Variants in GRM1 observed in about 807,000 individuals in gnomAD.
The protein encoded by GRM1 is metabotropic glutamate receptor 1.
Under a neutral mutation model 90.9 loss-of-function variants are expected in GRM1, and 33 were observed. The ratio of observed to expected loss-of-function variants is 0.36; its 90% CI spans 0.28 to 0.49. The LOEUF is 0.49. GRM1 is among the 20% of genes least tolerant of loss of function. The pLI is 0.99. For synonymous variants in GRM1, 700 were observed against 613.2 expected, an observed-to-expected ratio of 1.14 and a Z score of -2.09; for missense variants, 1,190 against 1,534.3, an observed-to-expected ratio of 0.78 and a Z score of 3.75.
chr6:146,398,734 T>C lies in GRM1; in HGVS notation c.1730-35T>C, dbSNP rs362935. 5,847 of 1,424,834 alleles carry C rather than the reference T, an allele frequency of 4.1e-3. 180 individuals carry two copies. The East Asian group carries it at 0.08, about 19-fold the overall frequency. The allele number at this position is 1,424,834 out of a possible 1,614,324, so 88.3% of individuals were successfully genotyped here. ...CAAGTTGTTATTCCTAGCAGAAACCTTGGATTCATGCTCAAATGATTTTTC... is the reference window on the plus strand; with the variant it reads ...CAAGTTGTTATTCCTAGCAGAAACCCTGGATTCATGCTCAAATGATTTTTC... On this transcript the variant is annotated intron_variant, in intron 6 of 7. Transcript: ENST00000282753.
chr6:146,152,860 C>G (rs1777390851), intron 1 of GRM1, among the ~76,000 whole-genome samples: 1 of 152,100 alleles, frequency 6.6e-6, no homozygotes, highest in East Asian at 1.9e-4. Flanking sequence ...ATTACATAGC[C>G]TTTTTATTTC....
intron 1 of GRM1, among the ~76,000 whole-genome samples, chr6:146,139,985 C>T (rs1043991076): frequency 2.3e-5 from 3 of 130,820 alleles, no homozygotes; most frequent in Non-Finnish European, 3.2e-5. Context: ...CGCTTCCCTC[C>T]GCTTCCCTCC....
intron 3 of GRM1, among the ~76,000 whole-genome samples, chr6:146,349,093 G>A (rs1323527334): frequency 2.2e-5 from 3 of 136,824 alleles, no homozygotes; most frequent in African/African-American, 8.3e-5. Context: ...TTGAGACGGA[G>A]TCTCGTTTTG....
intron 7 of GRM1, among the ~76,000 whole-genome samples, chr6:146,415,354 A>G (rs1313520946): frequency 1.3e-5 from 2 of 152,212 alleles, no homozygotes; most frequent in African/African-American, 2.4e-5. Context: ...TAGGATTTCA[A>G]TGCATAAATT....
intron 3 of GRM1, among the ~76,000 whole-genome samples, chr6:146,350,251 A>T (rs893793417): frequency 6.6e-6 from 1 of 152,238 alleles, no homozygotes; most frequent in Non-Finnish European, 1.5e-5. Flanking sequence ...AATAGTAGTT[A>T]TAAAAACAAG....
At chr6:146,196,463 A>ATTTTT (rs772811053) in intron 2 of GRM1, among the ~76,000 whole-genome samples, 1 of 85,966 alleles carries the variant, frequency 1.2e-5, no homozygotes, top group African/African-American at 4.5e-5. Flanking sequence ...AATTTTTTGT[A>ATTTTT]TTTTTTTTTT....
chr6:146,308,051 A>G (rs1265409822), intron 3 of GRM1, among the ~76,000 whole-genome samples: 1 of 152,248 alleles, frequency 6.6e-6, no homozygotes, highest in Non-Finnish European at 1.5e-5. Flanking sequence ...AAGAGCTGTA[A>G]AGCAAATCAG....
intron 2 of GRM1, among the ~76,000 whole-genome samples, chr6:146,209,453 A>G (rs1330528739): frequency 1.3e-5 from 2 of 152,144 alleles, no homozygotes; most frequent in African/African-American, 4.8e-5. Flanking sequence ...TTTAAATGTG[A>G]TTTCATAGAA....
rs977073769 is a variant in GRM1, at chr6:146,392,385, C to A, written c.1729+5369C>A. On this transcript the variant is annotated intron_variant, in intron 6 of 7. Coordinates refer to ENST00000282753, the MANE Select transcript of GRM1 (RefSeq NM_001278064.2). Reference sequence around the variant, plus strand: ...GTGTTGACATGCACTGTCTTTCTCGCACCGTATTAGACCTTTTGACTTTAA... The same window carrying A: ...GTGTTGACATGCACTGTCTTTCTCGAACCGTATTAGACCTTTTGACTTTAA... 6.6e-5 allele frequency among the ~76,000 whole-genome samples: 10 copies of A among 152,276 alleles called. No individual in the cohort carries two copies. The East Asian group carries it at 1.9e-3, about 29-fold the overall frequency.
At chr6:146,401,130 T>C (rs981576579) in intron 7 of GRM1, among the ~76,000 whole-genome samples, 3 of 152,202 alleles carry the variant, frequency 2.0e-5, no homozygotes, top group African/African-American at 7.2e-5. Context: ...AGAATTTATA[T>C]ACTTTGAGGA....
chr6:146,044,411 GT>G (rs1467271269), intron 1 of GRM1, among the ~76,000 whole-genome samples: 1 of 151,984 alleles, frequency 6.6e-6, no homozygotes, highest in Non-Finnish European at 1.5e-5. Flanking sequence ...CTGGCAGCCA[GT>G]TTTGTTGAAT....
chr6:146,330,101 C>G (rs1784536426), intron 3 of GRM1, among the ~76,000 whole-genome samples: 3 of 152,144 alleles, frequency 2.0e-5, no homozygotes, highest in Admixed American at 1.3e-4. Flanking sequence ...CCAAATTGAG[C>G]AGTAGCAAGT....
intron 1 of GRM1, among the ~76,000 whole-genome samples, chr6:146,077,777 C>T (rs189051252): frequency 2.5e-3 from 387 of 152,222 alleles, no homozygotes; most frequent in Middle Eastern, 6.8e-3. Context: ...TTGCTAAATG[C>T]CCTCATACAC....
At chr6:146,236,926 C>G (rs1385794893) in intron 2 of GRM1, among the ~76,000 whole-genome samples, 1 of 152,046 alleles carries the variant, frequency 6.6e-6, no homozygotes, top group Admixed American at 6.6e-5. Context: ...GGGTCAAACT[C>G]CCCAAGTGTT....
chr6:146,233,979 A>G (rs1583200420), intron 2 of GRM1, among the ~76,000 whole-genome samples: 1 of 152,202 alleles, frequency 6.6e-6, no homozygotes, highest in Non-Finnish European at 1.5e-5. Flanking sequence ...ATAAGGTTCT[A>G]TTATTAGATC....
intron 1 of GRM1, among the ~76,000 whole-genome samples, chr6:146,056,549 T>C (rs1156302837): frequency 6.6e-6 from 1 of 152,086 alleles, no homozygotes; most frequent in African/African-American, 2.4e-5. Flanking sequence ...GAACTGGACT[T>C]CCTGGGTTCT....
intron 3 of GRM1, among the ~76,000 whole-genome samples, chr6:146,330,012 G>T (rs1784533732): frequency 6.6e-6 from 1 of 152,108 alleles, no homozygotes; most frequent in Admixed American, 6.5e-5. Flanking sequence ...GGCCTAACAT[G>T]CCAGTGTTGA....
In GRM1 at chr6:146,314,051, C is replaced by CTTTTT. The variant is rs552986343; in HGVS notation, c.1186+9233_1186+9237dup. ...CACTGTATATATCAATAGTTAATTC[C>CTTTTT]TTTTTTTTTTTTTTTTTTTTTTTTT... On this transcript the variant is annotated intron_variant, in intron 3 of 7. Transcript: ENST00000282753. 9.6e-3 allele frequency among the ~76,000 whole-genome samples: 595 copies of CTTTTT among 62,008 alleles called. 136 individuals carry two copies. Among genetic ancestry groups the CTTTTT allele is most frequent in the Middle Eastern group, 0.028 (2 of 72 alleles). The allele number at this position is 62,008 out of a possible 152,430, so 40.7% of individuals were successfully genotyped here.
chr6:146,080,836 C>A (rs539978613), intron 1 of GRM1, among the ~76,000 whole-genome samples: 1 of 152,348 alleles, frequency 6.6e-6, no homozygotes, highest in East Asian at 1.9e-4. Context: ...TTTCATAATT[C>A]TCTGTATCCC....
Sources: gnomAD v4.1 joint callset for allele counts (sites outside exome capture counted in the v4.1 genomes callset) on GRCh38, gnomAD v4.1.1 for gene constraint, MANE v1.5 for transcripts, NCBI Gene and HGNC (gene_info 2026-07-23, HGNC 2026-07-21) for gene names.